CNTNAP5: variants seen among roughly 807,000 people sequenced by gnomAD.
CNTNAP5 encodes contactin associated protein family member 5.
In CNTNAP5, 72 loss-of-function variants were observed where a neutral mutation model predicts 150.2. The observed-to-expected ratio is 0.48, with a 90% CI of 0.40 to 0.58. The LOEUF is 0.58. Ranked by LOEUF, CNTNAP5 falls within the 20% of genes least tolerant of loss-of-function variation. The pLI is 0.00. For missense variants in CNTNAP5, 1,636 were observed against 1,626.2 expected, an observed-to-expected ratio of 1.01 and a Z score of -0.10; for synonymous variants, 672 against 619.8, an observed-to-expected ratio of 1.08 and a Z score of -1.25.
At position 124,187,009 on chromosome 2, in the gene CNTNAP5, C is replaced by A. The variant is rs534270408; in HGVS notation, c.83-34696C>A. 1.8e-3 allele frequency among the ~76,000 whole-genome samples: 269 copies of A among 152,156 alleles called. 1 individual carries two copies. Among genetic ancestry groups the A allele is most frequent in the African/African-American group, 6.3e-3 (262 of 41,492 alleles). On this transcript the variant is annotated intron_variant, in intron 1 of 23. Transcript: ENST00000682447. ...GGAAATGCGAGACATGAGTTTGGGG[C>A]CTGACACTTAGGAGGGCTAAGGTAG...
At chr2:124,639,469 C>T (rs1573515058) in intron 12 of CNTNAP5, among the ~76,000 whole-genome samples, 1 of 152,132 alleles carries the variant, frequency 6.6e-6, no homozygotes, top group Non-Finnish European at 1.5e-5. Flanking sequence ...GAAGGCGTCT[C>T]TTCTTTTCTG....
At chr2:124,248,033 C>T (rs1017629555) in intron 3 of CNTNAP5, among the ~76,000 whole-genome samples, 2 of 152,110 alleles carry the variant, frequency 1.3e-5, no homozygotes, top group African/African-American at 4.8e-5. Flanking sequence ...ACTTAGCATG[C>T]CCAGAATCTT....
intron 13 of CNTNAP5, among the ~76,000 whole-genome samples, chr2:124,699,935 A>G (rs1443830527): frequency 6.6e-6 from 1 of 152,172 alleles, no homozygotes; most frequent in Non-Finnish European, 1.5e-5. Context: ...TTGTACAACT[A>G]TCACCACTAT....
At chr2:124,688,424 A>G (rs1679235837) in intron 13 of CNTNAP5, among the ~76,000 whole-genome samples, 1 of 152,064 alleles carries the variant, frequency 6.6e-6, no homozygotes, top group African/African-American at 2.4e-5. Context: ...ATTTTCATAA[A>G]TTTGCTAAAG....
intron 9 of CNTNAP5, 99 bp downstream of exon 9, chr2:124,524,551 A>G (rs1694922014): frequency 1.7e-6 from 2 of 1,168,336 alleles, no homozygotes; most frequent in Non-Finnish European, 2.4e-6. Context: ...CAATTAGACA[A>G]TTCTCCCAAC....
intron 3 of CNTNAP5, among the ~76,000 whole-genome samples, chr2:124,391,158 T>A (rs1266029727): frequency 6.6e-6 from 1 of 152,212 alleles, no homozygotes; most frequent in Non-Finnish European, 1.5e-5. Context: ...TCACAGAGAC[T>A]GTCTAGGAAA....
chr2:124,734,910 T>C (rs1397559247), intron 13 of CNTNAP5, among the ~76,000 whole-genome samples: 1 of 152,182 alleles, frequency 6.6e-6, no homozygotes, highest in Non-Finnish European at 1.5e-5. Flanking sequence ...AATTAGTGAT[T>C]CTAAAATTTA....
rs1231857739 is a variant in CNTNAP5, at chr2:124,179,219, G to A, written c.83-42486G>A. Among the ~76,000 whole-genome samples, 4 of 151,982 alleles carry A rather than the reference G, an allele frequency of 2.6e-5. No individual in the cohort carries two copies. In the East Asian group the frequency reaches 7.7e-4, roughly 29 times the overall value. On this transcript the variant is annotated intron_variant, in intron 1 of 23. Coordinates refer to ENST00000682447, the MANE Select transcript of CNTNAP5 (RefSeq NM_001367498.1). The stretch of plus-strand genomic sequence containing the variant: ...TGGCCCAGGCTGGAGTACAGCAGTA[G>A]CGTGATCTCAGCTCCCTGCAACTTC...
At chr2:124,361,965 C>T (rs1341911657) in intron 3 of CNTNAP5, among the ~76,000 whole-genome samples, 3 of 152,208 alleles carry the variant, frequency 2.0e-5, no homozygotes, top group Non-Finnish European at 4.4e-5. Context: ...AGCGAGACTT[C>T]GTGGGCGTAG....
At position 124,061,771 on chromosome 2, in the gene CNTNAP5, A is replaced by G. The variant is rs371569749; in HGVS notation, c.82+36039A>G. Among the ~76,000 whole-genome samples the G allele has an allele frequency of 2.1e-3, 318 of 152,296 alleles. 4 individuals are homozygous for G. The South Asian group carries it at 0.029, about 14-fold the overall frequency. ...CTTAATCTCTGAATTCAGCCTTCCC[A>G]GTTGGCCCAAATTTAAGTCAATATC... On this transcript the variant is annotated intron_variant, in intron 1 of 23. Transcript: ENST00000682447.
chr2:124,424,182 C>T (rs182918109), intron 4 of CNTNAP5, among the ~76,000 whole-genome samples: 2 of 152,286 alleles, frequency 1.3e-5, no homozygotes, highest in East Asian at 3.9e-4. Context: ...CAGATAAATA[C>T]TCTTGTAATT....
At chr2:124,895,270 A>G (rs1356936342) in intron 21 of CNTNAP5, among the ~76,000 whole-genome samples, 1 of 151,572 alleles carries the variant, frequency 6.6e-6, no homozygotes, top group African/African-American at 2.4e-5. Flanking sequence ...ACCTTATGCA[A>G]TGTCGACCCA....
At chr2:124,277,458 G>A (rs997149587) in intron 3 of CNTNAP5, among the ~76,000 whole-genome samples, 1 of 152,142 alleles carries the variant, frequency 6.6e-6, no homozygotes, top group Non-Finnish European at 1.5e-5. Flanking sequence ...ATATACAGGA[G>A]TGATGCAGAA....
At chr2:124,199,413 C>CTTTTTTTTTT (rs70996049) in intron 1 of CNTNAP5, among the ~76,000 whole-genome samples, 8 of 110,036 alleles carry the variant, frequency 7.3e-5, no homozygotes, top group African/African-American at 1.1e-4. Flanking sequence ...TTCCAAGGTT[C>CTTTTTTTTTT]TTTTTTTTTT....
At chr2:124,284,772 C>T (rs1189248255) in intron 3 of CNTNAP5, among the ~76,000 whole-genome samples, 1 of 152,088 alleles carries the variant, frequency 6.6e-6, no homozygotes, top group African/African-American at 2.4e-5. Context: ...TGTCATCAAG[C>T]TTTACACACC....
intron 13 of CNTNAP5, among the ~76,000 whole-genome samples, chr2:124,732,959 A>C (rs1680304516): frequency 6.6e-6 from 1 of 152,306 alleles, no homozygotes; most frequent in Middle Eastern, 3.4e-3. Context: ...TTGTCTTGAT[A>C]AATGAAACAG....
chr2:124,816,961 A>G (rs1388320434), intron 19 of CNTNAP5, among the ~76,000 whole-genome samples: 1 of 152,210 alleles, frequency 6.6e-6, no homozygotes, highest in East Asian at 1.9e-4. Context: ...AGTCTCAACT[A>G]CACTCAGAAG....
chr2:124,857,874 A>G (rs910611594), intron 19 of CNTNAP5, among the ~76,000 whole-genome samples: 1 of 152,096 alleles, frequency 6.6e-6, no homozygotes, highest in African/African-American at 2.4e-5. Flanking sequence ...ATTCAAGGAT[A>G]ACACACTCTA....
chr2:124,241,851 C>T (rs1686895416), intron 2 of CNTNAP5, among the ~76,000 whole-genome samples: 3 of 151,948 alleles, frequency 2.0e-5, no homozygotes, highest in Admixed American at 1.3e-4. Flanking sequence ...ACATGTAAGC[C>T]TAGTTCATAT....
Sources: gnomAD v4.1 joint callset for allele counts (sites outside exome capture counted in the v4.1 genomes callset) on GRCh38, gnomAD v4.1.1 for gene constraint, MANE v1.5 for transcripts, NCBI Gene and HGNC (gene_info 2026-07-23, HGNC 2026-07-21) for gene names.